TMCO1: variants seen among roughly 807,000 people sequenced by gnomAD.
TMCO1 encodes transmembrane and coiled-coil domains 1, also known as calcium load-activated calcium channel.
A neutral mutation model predicts 29.3 loss-of-function variants in TMCO1; 29 were observed. That is an observed-to-expected ratio of 0.99 (90% confidence interval 0.74 to 1.35). TMCO1 has a LOEUF of 1.35. TMCO1 is among the 40% of genes most tolerant of loss of function. The probability of loss-of-function intolerance (pLI) is 0.00; values close to 1 mark genes in which losing one functional copy is unlikely to be tolerated. For synonymous variants in TMCO1, 80 were observed against 77.1 expected, an observed-to-expected ratio of 1.04 and a Z score of -0.20; for missense variants, 173 against 225.5, an observed-to-expected ratio of 0.77 and a Z score of 1.49.
downstream of TMCO1, chr1:165,724,723 T>C (rs1650781285): frequency 2.2e-6 from 1 of 453,486 alleles, no homozygotes; most frequent in South Asian, 1.6e-5. Flanking sequence ...TGGTTCCTGA[T>C]TCCAAAAAAC....
At chr1:165,744,999 C>T (rs550201189) in intron 5 of TMCO1, among the ~76,000 whole-genome samples, 1 of 151,662 alleles carries the variant, frequency 6.6e-6, no homozygotes, top group Non-Finnish European at 1.5e-5. Context: ...CAGCTGTTAA[C>T]AAATTTTAAG....
intron 2 of TMCO1, among the ~76,000 whole-genome samples, chr1:165,763,360 C>T (rs774839363): frequency 1.3e-5 from 2 of 151,894 alleles, no homozygotes; most frequent in African/African-American, 2.4e-5. Flanking sequence ...AATTTGTGGC[C>T]GCTCATTTCA....
intron 3 of TMCO1, among the ~76,000 whole-genome samples, chr1:165,756,587 G>C (rs941818304): frequency 6.6e-6 from 1 of 152,020 alleles, no homozygotes; most frequent in Non-Finnish European, 1.5e-5. Context: ...ATTTGCTCCT[G>C]AAATTAAGAA....
chr1:165,763,781 A>G (rs1652478260), intron 2 of TMCO1, among the ~76,000 whole-genome samples: 1 of 151,922 alleles, frequency 6.6e-6, no homozygotes, highest in Non-Finnish European at 1.5e-5. Flanking sequence ...ACATGCCACC[A>G]TGTCAGGCTA....
At chr1:165,766,308 G>A (rs1652565303) in intron 2 of TMCO1, among the ~76,000 whole-genome samples, 1 of 152,172 alleles carries the variant, frequency 6.6e-6, no homozygotes, top group Admixed American at 6.6e-5. Context: ...ATAACAAATT[G>A]ATGCGTGGAT....
chr1:165,754,366 A>C, intron 3 of TMCO1, 92 bp from the exon 4 acceptor site: 1 of 958,908 alleles, frequency 1.0e-6, no homozygotes, highest in Non-Finnish European at 1.7e-6. Flanking sequence ...TTACAAAAGC[A>C]CTCTATCTCA....
chr1:165,760,417 C>T (rs927537688), intron 2 of TMCO1, among the ~76,000 whole-genome samples: 9 of 136,066 alleles, frequency 6.6e-5, no homozygotes, highest in African/African-American at 2.0e-4. Flanking sequence ...GGCAATAGAG[C>T]GAGACTCTGT....
At chr1:165,725,623 T>G (rs531984791), downstream of TMCO1, 12 of 454,102 alleles carry the variant, frequency 2.6e-5, no homozygotes, top group African/African-American at 1.8e-4. Flanking sequence ...ATGAGAGATG[T>G]TCAGAGGCCT....
At chr1:165,758,799 GATCGCT>G (rs1652292679) in intron 3 of TMCO1, among the ~76,000 whole-genome samples, 1 of 152,062 alleles carries the variant, frequency 6.6e-6, no homozygotes, top group African/African-American at 2.4e-5. Flanking sequence ...AAACATCCAG[GATCGCT>G]ATACTAACTG....
intron 6 of TMCO1, among the ~76,000 whole-genome samples, chr1:165,730,539 A>T (rs1044962734): frequency 5.3e-5 from 8 of 152,158 alleles, no homozygotes; most frequent in Non-Finnish European, 1.0e-4. Context: ...GAAGAAAAAA[A>T]TCAATCGTTA....
intron 6 of TMCO1, among the ~76,000 whole-genome samples, chr1:165,735,511 ATTTTTTT>A (rs34062484): frequency 9.1e-6 from 1 of 110,300 alleles, no homozygotes; most frequent in African/African-American, 3.5e-5. Context: ...TCTCTGCTTA[ATTTTTTT>A]TTTTTTTTTT....
At chr1:165,744,796 A>T (rs1651730251) in intron 5 of TMCO1, among the ~76,000 whole-genome samples, 1 of 151,574 alleles carries the variant, frequency 6.6e-6, no homozygotes, top group African/African-American at 2.4e-5. Flanking sequence ...ATCTCAAAAA[A>T]AAAAAAAAAA....
intron 6 of TMCO1, among the ~76,000 whole-genome samples, chr1:165,739,433 G>C (rs558837941): frequency 2.0e-3 from 301 of 152,024 alleles, no homozygotes; most frequent in Non-Finnish European, 3.6e-3. Context: ...TGTTGCCCAG[G>C]CTGGAGTGCA....
At chr1:165,730,291 C>A (rs908561067) in intron 6 of TMCO1, among the ~76,000 whole-genome samples, 2 of 151,866 alleles carry the variant, frequency 1.3e-5, no homozygotes, top group African/African-American at 2.4e-5. Flanking sequence ...GAGCCGAGAT[C>A]GCGCCACTGC....
chr1:165,745,979 T>C (rs769217903), intron 5 of TMCO1, among the ~76,000 whole-genome samples: 1 of 151,964 alleles, frequency 6.6e-6, no homozygotes, highest in Non-Finnish European at 1.5e-5. Context: ...GAAAATAATA[T>C]ACATAAAAAC....
In TMCO1 at chr1:165,768,699, G is replaced by C; in HGVS notation, c.53C>G (p.Thr18Arg). Residue 18 changes from threonine to arginine, a missense_variant, in exon 1 of 7, where the codon ACG (threonine) becomes AGG (arginine). Transcript: ENST00000367881. ...TLLIVFISVC[T>R]ALLAEGITWV... Reference sequence around the variant, plus strand: ...GCTCTCACCCTCTGCGAGCAGAGCCGTGCACACAGAGATAAAAACGATGAG... The same window carrying C: ...GCTCTCACCCTCTGCGAGCAGAGCCCTGCACACAGAGATAAAAACGATGAG... The C allele has an allele frequency of 6.2e-7, 1 of 1,614,090 alleles. No homozygotes were observed. Among genetic ancestry groups the C allele is most frequent in the Non-Finnish European group, 8.5e-7 (1 of 1,180,014 alleles).
At chr1:165,724,326 A>T, downstream of TMCO1, 1 of 450,352 alleles carries the variant, frequency 2.2e-6, no homozygotes, top group Non-Finnish European at 4.4e-6. Context: ...TCATTAATTA[A>T]TAGATCAAAA....
intron 6 of TMCO1, among the ~76,000 whole-genome samples, chr1:165,740,324 C>T (rs1051898027): frequency 6.6e-6 from 1 of 151,848 alleles, no homozygotes; most frequent in African/African-American, 2.4e-5. Context: ...CCTCAGTCGC[C>T]CGAGTAGCTG....
At chr1:165,752,396 CAG>C (rs1356006660) in intron 4 of TMCO1, among the ~76,000 whole-genome samples, 3 of 151,298 alleles carry the variant, frequency 2.0e-5, no homozygotes, top group African/African-American at 7.3e-5. Context: ...GCTGGGACTA[CAG>C]GGGCCCGCCA....
Sources: gnomAD v4.1 joint callset for allele counts (sites outside exome capture counted in the v4.1 genomes callset) on GRCh38, gnomAD v4.1.1 for gene constraint, MANE v1.5 for transcripts, NCBI Gene and HGNC (gene_info 2026-07-23, HGNC 2026-07-21) for gene names.